CKAP5: variants seen among roughly 807,000 people sequenced by gnomAD.
CKAP5 encodes cytoskeleton-associated protein 5.
Under a neutral mutation model 232.8 loss-of-function variants are expected in CKAP5, and 27 were observed. The ratio of observed to expected loss-of-function variants is 0.12; its 90% CI spans 0.09 to 0.16. The LOEUF (loss-of-function observed/expected upper bound fraction) is 0.16. Ranked by LOEUF, CKAP5 falls within the 10% of genes least tolerant of loss-of-function variation. The pLI is 1.00. For synonymous variants in CKAP5, 785 were observed against 841.1 expected (o/e 0.93, Z 1.16); for missense variants, 1,838 against 2,424.7 (o/e 0.76, Z 5.08).
At position 46,744,059 on chromosome 11, in the gene CKAP5, T is replaced by C. The variant is rs2065004570; in HGVS notation, c.6063A>G (p.Lys2021=). 6.2e-7 allele frequency: 1 copy of C among 1,613,592 alleles called. No individual in the cohort carries two copies. The highest frequency in any genetic ancestry group is 1.3e-5 in the African/African-American group (1 of 74,916). Reference sequence around the variant, plus strand: ...TGCTCTTTATTCTCTCCAGTCTTTTTTTCAAGTCGTCTATGTTAGCTGTGG... The same window carrying C: ...TGCTCTTTATTCTCTCCAGTCTTTTCTTCAAGTCGTCTATGTTAGCTGTGG... ...SSSTANIDDL[K]KRLERIKSSR... is the part of the protein sequence containing the mutation. The change falls in exon 44 of 44, where the codon AAA becomes AAG. Residue 2021 remains lysine (K), a synonymous_variant. Coordinates refer to ENST00000529230, the MANE Select transcript of CKAP5 (RefSeq NM_001008938.4).
In CKAP5 at chr11:46,750,423, T is replaced by A. The variant is rs1379784231; in HGVS notation, c.5555A>T (p.Glu1852Val). Residue 1852 changes from glutamate to valine, a missense_variant, in exon 42 of 44, where the codon GAG (glutamate) becomes GTG (valine). Around this residue, in one of 6 missense-constraint regions of CKAP5, gnomAD observed 579 missense variants for 843.2 expected, o/e 0.69. Transcript: ENST00000529230. ...GTATTTCTTCTTATATTCATATAAC[T>A]CTGCTAGTCCCTGGTGAACAGGAAA... ...SKENTKEGLAELYEYKKKYSD... is the reference protein window; with the variant it reads ...SKENTKEGLAVLYEYKKKYSD... The A allele has an allele frequency of 1.2e-6, 2 of 1,614,126 alleles. No homozygotes were observed. The highest frequency in any genetic ancestry group is 1.7e-6 in the Non-Finnish European group (2 of 1,179,974).
intron 8 of CKAP5, among the ~76,000 whole-genome samples, chr11:46,806,634 A>G (rs1426280538): frequency 2.6e-5 from 4 of 152,254 alleles, no homozygotes; most frequent in Non-Finnish European, 5.9e-5. Flanking sequence ...TTCACAAATC[A>G]TATCTCTGCC....
intron 1 of CKAP5, among the ~76,000 whole-genome samples, chr11:46,825,568 A>G (rs948403397): frequency 6.6e-6 from 1 of 152,192 alleles, no homozygotes; most frequent in African/African-American, 2.4e-5. Flanking sequence ...CTCTTGACCT[A>G]CAAAAGCTCT....
At chr11:46,790,652 A>G (rs1244776004) in intron 13 of CKAP5, 69 bp from the exon 14 acceptor site, 2 of 1,102,984 alleles carry the variant, frequency 1.8e-6, no homozygotes, top group East Asian at 5.2e-5. Context: ...TTTTATTTTT[A>G]TTTTTTTTGA....
chr11:46,784,413 T>C (rs780954834), intron 17 of CKAP5, 75 bp downstream of exon 17: 156 of 1,174,758 alleles, frequency 1.3e-4, no homozygotes, highest in Non-Finnish European at 1.8e-4. Context: ...TAAAAACTAA[T>C]GTTTAATTAG....
chr11:46,816,128 A>G, intron 4 of CKAP5, 70 bp downstream of exon 4: 14 of 1,273,494 alleles, frequency 1.1e-5, no homozygotes, highest in Non-Finnish European at 1.6e-5. Flanking sequence ...GTCTTCCATG[A>G]AACTGGTCCC....
intron 24 of CKAP5, among the ~76,000 whole-genome samples, chr11:46,775,820 C>T (rs926531213): frequency 4.0e-5 from 6 of 149,018 alleles, no homozygotes; most frequent in Admixed American, 1.4e-4. Context: ...TGGGGCCTGT[C>T]GGGGGTTAGC....
At chr11:46,844,246 A>T (rs1940126079) in intron 1 of CKAP5, among the ~76,000 whole-genome samples, 1 of 151,878 alleles carries the variant, frequency 6.6e-6, no homozygotes, top group Admixed American at 6.6e-5. Context: ...AGGAAAAGAA[A>T]GTGAGTGTTG....
chr11:46,773,915 A>G lies in CKAP5; in HGVS notation c.2991+2340T>C, dbSNP rs1292712293. 2.0e-5 allele frequency among the ~76,000 whole-genome samples: 3 copies of G among 152,278 alleles called. No individual in the cohort carries two copies. The East Asian group carries it at 5.8e-4, about 29-fold the overall frequency. ...TTATGACAAACCCACAGCCAATATC[A>G]TACTGAATGGGCAAAAGCTGGAAGG... On this transcript the variant is annotated intron_variant, in intron 24 of 43. Transcript: ENST00000529230.
intron 2 of CKAP5, 101 bp downstream of exon 2, chr11:46,821,074 G>T (rs1592481434): frequency 2.8e-6 from 2 of 722,372 alleles, no homozygotes; most frequent in African/African-American, 3.7e-5. Flanking sequence ...CAGTATTTTT[G>T]AAACTGCCAA....
intron 39 of CKAP5, 22 bp from the exon 40 acceptor site, chr11:46,751,277 C>A (rs1336315981): frequency 1.9e-6 from 3 of 1,614,186 alleles, no homozygotes; most frequent in Admixed American, 3.3e-5. Flanking sequence ...ACATGCATGA[C>A]TGATAGCACT....
At chr11:46,814,526 A>G (rs1022628593) in intron 4 of CKAP5, among the ~76,000 whole-genome samples, 2 of 152,214 alleles carry the variant, frequency 1.3e-5, no homozygotes, top group Non-Finnish European at 2.9e-5. Flanking sequence ...AAATCATGAG[A>G]GGTGAGATGG....
chr11:46,776,121 A>T, intron 24 of CKAP5, 134 bp downstream of exon 24: 1 of 682,344 alleles, frequency 1.5e-6, no homozygotes, highest in Non-Finnish European at 2.2e-6. Context: ...AGGCCCCAGG[A>T]ATGTGATTTC....
chr11:46,770,184 A>G (rs962978645), intron 25 of CKAP5, 86 bp from the exon 26 acceptor site: 2 of 1,402,198 alleles, frequency 1.4e-6, no homozygotes, highest in Admixed American at 3.5e-5. Flanking sequence ...TCTGTCAAAC[A>G]AATGATTGAG....
intron 1 of CKAP5, among the ~76,000 whole-genome samples, chr11:46,825,385 A>C (rs967401486): frequency 6.6e-6 from 1 of 152,176 alleles, no homozygotes; most frequent in African/African-American, 2.4e-5. Flanking sequence ...CCTACTTCTC[A>C]GTCTGTCTCT....
At chr11:46,812,727 T>C (rs1939306401) in intron 4 of CKAP5, among the ~76,000 whole-genome samples, 1 of 152,022 alleles carries the variant, frequency 6.6e-6, no homozygotes, top group African/African-American at 2.4e-5. Flanking sequence ...AGCCTCGACC[T>C]TCCCTGCTCA....
chr11:46,764,246 C>G lies in CKAP5; in HGVS notation c.3538-616G>C, dbSNP rs1387600459. ...TAGAGAGAAAATTTGAAATATCTAT[C>G]AAAATTATGCATATCATCATTCTAG... On this transcript the variant is annotated intron_variant, in intron 28 of 43. Coordinates refer to ENST00000529230, the MANE Select transcript of CKAP5 (RefSeq NM_001008938.4). Among the ~76,000 whole-genome samples, 2 of 152,028 alleles carry G rather than the reference C, an allele frequency of 1.3e-5. 1 individual carries two copies. The highest frequency in any genetic ancestry group is 4.8e-5 in the African/African-American group (2 of 41,410).
chr11:46,758,736 G>A, intron 35 of CKAP5, 187 bp downstream of exon 35: 2 of 532,552 alleles, frequency 3.8e-6, no homozygotes, highest in Non-Finnish European at 6.3e-6. Flanking sequence ...AAAAAATAAG[G>A]CTCTATTAGA....
intron 1 of CKAP5, among the ~76,000 whole-genome samples, chr11:46,845,855 G>A: frequency 6.6e-6 from 1 of 152,186 alleles, no homozygotes; most frequent in Non-Finnish European, 1.5e-5. Flanking sequence ...TTACGCGAGA[G>A]GCACTCTAGC....
Sources: allele counts gnomAD v4.1 joint callset (sites outside exome capture counted in the v4.1 genomes callset), GRCh38; gene constraint gnomAD v4.1.1; regional missense constraint gnomAD v4.1.1; transcripts MANE v1.5; gene names NCBI Gene and HGNC (gene_info 2026-07-23, HGNC 2026-07-21).